PDE1A: variants seen among roughly 807,000 people sequenced by gnomAD.
PDE1A encodes the protein dual specificity calcium/calmodulin-dependent 3',5'-cyclic nucleotide phosphodiesterase 1A.
A neutral mutation model predicts 61.7 loss-of-function variants in PDE1A; 35 were observed. The observed-to-expected ratio is 0.57, with a 90% CI of 0.43 to 0.75. PDE1A has a LOEUF of 0.75. Among genes scored for constraint, PDE1A ranks in the 30% least tolerant of loss-of-function variants. The pLI is 0.00. For missense variants in PDE1A, 597 were observed against 630.6 expected (o/e 0.95, Z 0.57); for synonymous variants, 232 against 213.2 (o/e 1.09, Z -0.77).
rs1055831793 is a variant in PDE1A, at chr2:182,243,494, T to C, written c.168-3202A>G. On this transcript the variant is annotated intron_variant, in intron 2 of 13. Transcript: ENST00000351439. ...TTTGAGGAACAGGAAGGAGGCCAAA[T>C]GTGGCTGGAGTATACTGACTGAGAG... Among the ~76,000 whole-genome samples the C allele has an allele frequency of 3.3e-5, 5 of 152,118 alleles. 1 individual carries two copies. The South Asian group carries it at 1.0e-3, about 31-fold the overall frequency.
At chr2:182,528,122 T>C (rs1453296234), upstream of PDE1A, among the ~76,000 whole-genome samples, 1 of 151,700 alleles carries the variant, frequency 6.6e-6, no homozygotes. Flanking sequence ...CAAGCAGAGG[T>C]TGGAACAATT....
At chr2:182,540,180 A>G in the PDE1A span, among the ~76,000 whole-genome samples, 8 of 152,038 alleles carry the variant, frequency 5.3e-5, no homozygotes, top group African/African-American at 1.9e-4. Flanking sequence ...CCTGGCCAAC[A>G]TGGTGAAACA....
At chr2:182,704,226 C>CAA in the PDE1A span, among the ~76,000 whole-genome samples, 1 of 95,914 alleles carries the variant, frequency 1.0e-5, no homozygotes. Flanking sequence ...AAAAAAAAAA[C>CAA]AAAAAAAAAA....
intron 1 of PDE1A, among the ~76,000 whole-genome samples, chr2:182,403,795 G>GA (rs1702149625): frequency 6.6e-6 from 1 of 151,900 alleles, no homozygotes. Flanking sequence ...AGAACACATG[G>GA]AAACAGGCAG....
At chr2:182,693,412 C>T in the PDE1A span, among the ~76,000 whole-genome samples, 1 of 152,052 alleles carries the variant, frequency 6.6e-6, no homozygotes, top group Non-Finnish European at 1.5e-5. Context: ...TTTGTATTTT[C>T]CTAGCAGCTA....
upstream of PDE1A, among the ~76,000 whole-genome samples, chr2:182,429,864 T>C (rs1283461775): frequency 2.0e-5 from 3 of 152,168 alleles, no homozygotes; most frequent in Non-Finnish European, 4.4e-5. Context: ...TCATTTGATA[T>C]TATGCCATCC....
chr2:182,505,869 A>C (rs1477547403), intron 2 of PDE1A, among the ~76,000 whole-genome samples: 1 of 152,248 alleles, frequency 6.6e-6, no homozygotes, highest in African/African-American at 2.4e-5. Context: ...ACAACATGAT[A>C]GAATTTCTGG....
At chr2:182,488,158 C>T (rs1412062508) in intron 2 of PDE1A, among the ~76,000 whole-genome samples, 1 of 152,114 alleles carries the variant, frequency 6.6e-6, no homozygotes, top group African/African-American at 2.4e-5. Flanking sequence ...AAACCAGTTC[C>T]ATCACACTGA....
At chr2:182,488,826 T>C (rs1274249792) in intron 2 of PDE1A, among the ~76,000 whole-genome samples, 1 of 152,200 alleles carries the variant, frequency 6.6e-6, no homozygotes, top group Non-Finnish European at 1.5e-5. Context: ...ACAATTTGAA[T>C]GTATAGATGC....
chr2:182,186,102 C>A (rs1270757114), intron 12 of PDE1A, 23 bp from the exon 13 acceptor site: 21 of 1,603,038 alleles, frequency 1.3e-5, no homozygotes, highest in Admixed American at 1.2e-4. Flanking sequence ...ACCAAAGAAA[C>A]CAAAAAACAC....
chr2:182,699,331 A>G, the PDE1A span, among the ~76,000 whole-genome samples: 1 of 152,206 alleles, frequency 6.6e-6, no homozygotes, highest in African/African-American at 2.4e-5. Flanking sequence ...GAGGTTCACT[A>G]AGTGTCACAT....
intron 1 of PDE1A, among the ~76,000 whole-genome samples, chr2:182,267,429 G>GCACACACA (rs67567300): frequency 6.8e-6 from 1 of 146,850 alleles, no homozygotes; most frequent in African/African-American, 2.5e-5. Flanking sequence ...ATGCACACAT[G>GCACACACA]CACACACACA....
intron 1 of PDE1A, among the ~76,000 whole-genome samples, chr2:182,317,889 T>C (rs112964031): frequency 0.015 from 2,352 of 152,274 alleles, 33 homozygotes; most frequent in South Asian, 0.061. Flanking sequence ...CACTTTTTTG[T>C]AAATATGCCT....
chr2:182,543,198 T>C, the PDE1A span, among the ~76,000 whole-genome samples: 4 of 152,338 alleles, frequency 2.6e-5, no homozygotes, highest in South Asian at 8.3e-4. Flanking sequence ...TATAGAAATA[T>C]AAATAAGATT....
At chr2:182,563,909 A>G in the PDE1A span, among the ~76,000 whole-genome samples, 1 of 152,080 alleles carries the variant, frequency 6.6e-6, no homozygotes, top group African/African-American at 2.4e-5. Context: ...TTTGCTTGGT[A>G]GATCTTCCTC....
chr2:182,625,766 G>A, the PDE1A span, among the ~76,000 whole-genome samples: 1 of 152,146 alleles, frequency 6.6e-6, no homozygotes, highest in African/African-American at 2.4e-5. Context: ...TTTGAGGGGT[G>A]CAGGGCTAAA....
the PDE1A span, among the ~76,000 whole-genome samples, chr2:182,533,837 T>C: frequency 6.6e-6 from 1 of 152,112 alleles, no homozygotes; most frequent in East Asian, 1.9e-4. Context: ...GATCACCAGA[T>C]TAAATAAAAA....
chr2:182,493,258 GTC>G (rs1305886552), intron 2 of PDE1A, among the ~76,000 whole-genome samples: 1 of 145,170 alleles, frequency 6.9e-6, no homozygotes, highest in Non-Finnish European at 1.5e-5. Flanking sequence ...GAGAGACAGT[GTC>G]TTACTATACT....
intron 2 of PDE1A, among the ~76,000 whole-genome samples, chr2:182,447,077 G>A (rs567867704): frequency 1.3e-5 from 2 of 151,234 alleles, no homozygotes; most frequent in South Asian, 2.1e-4. Flanking sequence ...CAAAAGGACG[G>A]CCACTGGGAA....
Sources: allele counts gnomAD v4.1 joint callset (sites outside exome capture counted in the v4.1 genomes callset), GRCh38; gene constraint gnomAD v4.1.1; transcripts MANE v1.5; gene names NCBI Gene and HGNC (gene_info 2026-07-23, HGNC 2026-07-21).